Variants in POC1B observed in about 807,000 individuals in gnomAD.
The protein encoded by POC1B is POC1 centriolar protein B, also known as POC1 centriolar protein homolog B.
In POC1B, 44 loss-of-function variants were observed where a neutral mutation model predicts 60.6. The ratio of observed to expected loss-of-function variants is 0.73; its 90% CI spans 0.57 to 0.93. The LOEUF (loss-of-function observed/expected upper bound fraction) is 0.93. Ranked by LOEUF, POC1B falls within the 40% of genes least tolerant of loss-of-function variation. POC1B has a pLI of 0.00. For missense variants in POC1B, 555 were observed against 572.3 expected (o/e 0.97, Z 0.31); for synonymous variants, 180 against 198.9 (o/e 0.90, Z 0.80).
intron 2 of POC1B, chr12:89,524,218 G>A (rs766451414): frequency 6.2e-7 from 1 of 1,613,940 alleles, no homozygotes; most frequent in East Asian, 2.2e-5. Flanking sequence ...TCGATGCAGG[G>A]AAATCCTGTC....
intron 4 of POC1B, among the ~76,000 whole-genome samples, chr12:89,476,756 AGATAGACAGAC>A (rs1319095557): frequency 1.8e-5 from 1 of 54,214 alleles, no homozygotes; most frequent in African/African-American, 6.1e-5. Context: ...ATAGATAGAT[AGATAGACAGAC>A]AGACAGACAG....
the POC1B span, among the ~76,000 whole-genome samples, chr12:89,403,827 T>A: frequency 6.6e-6 from 1 of 152,182 alleles, no homozygotes; most frequent in South Asian, 2.1e-4. Flanking sequence ...TCCCTTTGCC[T>A]TCTGGAGTAA....
At chr12:89,508,380 T>C (rs1242858296) in intron 2 of POC1B, among the ~76,000 whole-genome samples, 2 of 152,216 alleles carry the variant, frequency 1.3e-5, no homozygotes, top group Non-Finnish European at 2.9e-5. Context: ...GACCTTGATG[T>C]TCTTGAAGAC....
intron 10 of POC1B, among the ~76,000 whole-genome samples, chr12:89,443,139 C>T (rs1206441465): frequency 6.6e-6 from 1 of 152,128 alleles, no homozygotes; most frequent in Non-Finnish European, 1.5e-5. Flanking sequence ...CTTAGATTCC[C>T]ACACAATAAT....
intron 10 of POC1B, among the ~76,000 whole-genome samples, chr12:89,443,067 T>C (rs897873392): frequency 5.9e-5 from 9 of 152,192 alleles, no homozygotes; most frequent in Admixed American, 5.2e-4. Context: ...CCTAAATATA[T>C]ATGCACCCAA....
At chr12:89,469,957 T>G (rs1882825412) in intron 7 of POC1B, among the ~76,000 whole-genome samples, 1 of 151,966 alleles carries the variant, frequency 6.6e-6, no homozygotes, top group Non-Finnish European at 1.5e-5. Flanking sequence ...AGCCTCCCCC[T>G]CCTGGGTTCA....
intron 10 of POC1B, chr12:89,426,755 C>CA (rs1021071490): frequency 8.0e-5 from 12 of 150,532 alleles, no homozygotes; most frequent in African/African-American, 2.9e-4. Context: ...ACCTGGGAGA[C>CA]AGACGTTGCA....
At chr12:89,432,114 T>C (rs959208875) in intron 10 of POC1B, among the ~76,000 whole-genome samples, 2 of 152,120 alleles carry the variant, frequency 1.3e-5, no homozygotes, top group Non-Finnish European at 2.9e-5. Flanking sequence ...CCGGGCATGG[T>C]GGCTCATGCC....
rs778589826 is a variant in POC1B at position 89,523,139 on chromosome 12, T to C, written c.100+1981A>G. On this transcript the variant is annotated intron_variant, in intron 2 of 11. Coordinates refer to ENST00000313546, the MANE Select transcript of POC1B (RefSeq NM_172240.3). ...CCATGGCATCCAAACAGTGAAAGGT[T>C]AGCACCTGTGGGGTTGTTGTCAGGA... 1.1e-5 allele frequency: 17 copies of C among 1,613,754 alleles called. No homozygotes were observed. In the South Asian group the frequency reaches 1.6e-4, roughly 16 times the overall value.
chr12:89,502,109 C>T (rs754990567), intron 2 of POC1B: 3 of 1,165,250 alleles, frequency 2.6e-6, no homozygotes, highest in Non-Finnish European at 3.9e-6. Flanking sequence ...CCAACAGAGT[C>T]AAACTTGGAT....
chr12:89,487,827 C>T (rs527828221), intron 4 of POC1B, among the ~76,000 whole-genome samples: 51 of 152,274 alleles, frequency 3.3e-4, no homozygotes, highest in African/African-American at 1.2e-3. Context: ...GGGACTGAAA[C>T]GGCTTTCTTG....
chr12:89,497,045 G>A, intron 3 of POC1B, 126 bp downstream of exon 3: 1 of 941,528 alleles, frequency 1.1e-6, no homozygotes, highest in East Asian at 2.5e-5. Flanking sequence ...TTACCACAAG[G>A]GCAGCATGCC....
chr12:89,411,850 A>G, the POC1B span, among the ~76,000 whole-genome samples: 10 of 152,328 alleles, frequency 6.6e-5, no homozygotes, highest in Admixed American at 4.6e-4. Flanking sequence ...GTGTTCTGAA[A>G]AAGCAACACC....
At chr12:89,452,097 AG>A (rs1397417542) in intron 10 of POC1B, among the ~76,000 whole-genome samples, 2 of 152,100 alleles carry the variant, frequency 1.3e-5, no homozygotes, top group Admixed American at 1.3e-4. Context: ...TCTCTTCCAC[AG>A]GAAGAGGAAG....
intron 2 of POC1B, among the ~76,000 whole-genome samples, chr12:89,507,331 T>C (rs1869956778): frequency 6.6e-6 from 1 of 150,954 alleles, no homozygotes; most frequent in African/African-American, 2.4e-5. Flanking sequence ...TTTACTTCCT[T>C]AACCTTCTTT....
intron 2 of POC1B, among the ~76,000 whole-genome samples, chr12:89,506,981 G>A (rs545836288): frequency 6.6e-6 from 1 of 152,176 alleles, no homozygotes; most frequent in African/African-American, 2.4e-5. Context: ...GAAAGGCATG[G>A]AGTCAGAAGA....
chr12:89,423,165 C>T (rs144931518), intron 11 of POC1B, among the ~76,000 whole-genome samples: 208 of 151,890 alleles, frequency 1.4e-3, no homozygotes, highest in African/African-American at 4.8e-3. Context: ...CCACCCTGCT[C>T]GGCTAATTAA....
intron 4 of POC1B, among the ~76,000 whole-genome samples, chr12:89,489,066 C>T (rs929910090): frequency 7.2e-5 from 11 of 152,058 alleles, no homozygotes; most frequent in African/African-American, 2.4e-4. Flanking sequence ...GACCATCGTG[C>T]GTTATCTCCT....
intron 2 of POC1B, chr12:89,523,099 T>C (rs1391415830): frequency 6.2e-7 from 1 of 1,613,804 alleles, no homozygotes; most frequent in Non-Finnish European, 8.5e-7. Context: ...TTCAAAGAAT[T>C]GATTGCCTCC....
Sources: allele counts gnomAD v4.1 joint callset (sites outside exome capture counted in the v4.1 genomes callset), GRCh38; gene constraint gnomAD v4.1.1; transcripts MANE v1.5; gene names NCBI Gene and HGNC (gene_info 2026-07-23, HGNC 2026-07-21).